BLOC1S5: variants seen among roughly 807,000 people sequenced by gnomAD.
BLOC1S5 encodes biogenesis of lysosomal organelles complex 1 subunit 5.
Under a neutral mutation model 24.3 loss-of-function variants are expected in BLOC1S5, and 27 were observed. That is an observed-to-expected ratio of 1.11 (90% CI 0.82 to 1.53). The LOEUF is 1.53. Ranked by LOEUF, BLOC1S5 falls within the 40% of genes most tolerant of loss-of-function variation. The probability of loss-of-function intolerance (pLI) is 0.00; values close to 1 mark genes in which losing one functional copy is unlikely to be tolerated. For missense variants in BLOC1S5, 239 were observed against 229.4 expected (o/e 1.04, Z -0.27); for synonymous variants, 84 against 74.5 (o/e 1.13, Z -0.66).
intron 4 of BLOC1S5, among the ~76,000 whole-genome samples, chr6:8,016,325 C>CA (rs546943980): frequency 0.098 from 13,714 of 140,514 alleles, 1,891 homozygotes; most frequent in African/African-American, 0.31. Flanking sequence ...GACTCCGTCT[C>CA]AAAAAAAAAA....
chr6:8,059,286 A>C (rs77230581), intron 2 of BLOC1S5, among the ~76,000 whole-genome samples: 4,809 of 152,346 alleles, frequency 0.032, 238 homozygotes, highest in African/African-American at 0.1. Context: ...GAAAACAAAA[A>C]GAGAGCTTAA....
intron 4 of BLOC1S5, among the ~76,000 whole-genome samples, chr6:8,022,680 G>A (rs1456799597): frequency 2.2e-5 from 3 of 134,374 alleles, no homozygotes; most frequent in African/African-American, 3.1e-5. Flanking sequence ...CGCCTCCCGG[G>A]TTCACGCCAT....
intron 3 of BLOC1S5, among the ~76,000 whole-genome samples, chr6:8,036,983 G>C (rs1463558317): frequency 6.6e-6 from 1 of 152,068 alleles, no homozygotes; most frequent in Non-Finnish European, 1.5e-5. Context: ...GGTATAAAAA[G>C]AACATAGCTC....
intron 1 of BLOC1S5, among the ~76,000 whole-genome samples, chr6:8,063,700 G>A (rs551119844): frequency 6.6e-6 from 1 of 152,312 alleles, no homozygotes; most frequent in Admixed American, 6.5e-5. Context: ...AGCTTTAGGA[G>A]TCAAACCTAA....
chr6:8,047,778 T>C (rs550048837), intron 2 of BLOC1S5, among the ~76,000 whole-genome samples: 30 of 152,230 alleles, frequency 2.0e-4, no homozygotes, highest in African/African-American at 7.2e-4. Flanking sequence ...AAATTCAGGG[T>C]TCTGTTTTTT....
Position 8,013,888 on chromosome 6 carries a change from CAGCAAATGATTGAT to C in BLOC1S5, c.*1747_*1760del. On this transcript the variant is annotated 3_prime_UTR_variant, in exon 5 of 5. Coordinates refer to ENST00000397457, the MANE Select transcript of BLOC1S5 (RefSeq NM_201280.3). ...CAAGTGCGCTTTTTAGTCCAGGTAC[CAGCAAATGATTGAT>C]GAGCCTGTCAAGCCTACAGTAGCGG... 1 of 152,068 alleles carries C rather than the reference CAGCAAATGATTGAT, an allele frequency of 6.6e-6. No individual in the cohort carries two copies. Among genetic ancestry groups the C allele is most frequent in the Non-Finnish European group, 1.5e-5 (1 of 68,012 alleles). 9.4% of individuals were successfully genotyped at this position (152,068 alleles called of 1,614,324 possible). A position where few individuals can be genotyped will look rare whatever the true frequency, so the allele number is the denominator to read the frequency against.
At chr6:8,055,309 C>T (rs1202657099) in intron 2 of BLOC1S5, among the ~76,000 whole-genome samples, 1 of 152,114 alleles carries the variant, frequency 6.6e-6, no homozygotes, top group Non-Finnish European at 1.5e-5. Context: ...GTGGCGTGTG[C>T]CTGCAATTCC....
chr6:8,038,100 CTT>C (rs1180589154), intron 3 of BLOC1S5, among the ~76,000 whole-genome samples: 1 of 152,128 alleles, frequency 6.6e-6, no homozygotes, highest in Non-Finnish European at 1.5e-5. Context: ...TGGGCAAAGA[CTT>C]TTTTCTGTAA....
intron 3 of BLOC1S5, among the ~76,000 whole-genome samples, chr6:8,036,478 A>C (rs1227559346): frequency 6.6e-6 from 1 of 152,154 alleles, no homozygotes; most frequent in East Asian, 1.9e-4. Context: ...ACCATGAGGG[A>C]ACAGAAAGCC....
At chr6:8,026,969 C>T (rs548506560) in intron 3 of BLOC1S5, among the ~76,000 whole-genome samples, 1 of 152,302 alleles carries the variant, frequency 6.6e-6, no homozygotes, top group East Asian at 1.9e-4. Flanking sequence ...TTCCATTTTA[C>T]AGATGACAAA....
chr6:8,059,660 T>C (rs973149473), intron 2 of BLOC1S5, among the ~76,000 whole-genome samples: 1 of 152,204 alleles, frequency 6.6e-6, no homozygotes, highest in Admixed American at 6.5e-5. Context: ...TGTTGAGCTT[T>C]TTCCTTCTAA....
At chr6:8,051,296 A>G (rs763439838) in intron 2 of BLOC1S5, among the ~76,000 whole-genome samples, 6 of 152,220 alleles carry the variant, frequency 3.9e-5, no homozygotes, top group Non-Finnish European at 8.8e-5. Flanking sequence ...GAAACCAGCC[A>G]CAACATTTTC....
chr6:8,015,877 TTC>T lies in BLOC1S5; in HGVS notation c.385-51_385-50del, dbSNP rs1230260880. 4.0e-6 allele frequency: 6 copies of T among 1,509,188 alleles called. No homozygotes were observed. In the Admixed American group the frequency reaches 1.2e-4, roughly 30 times the overall value. 93.5% of individuals were successfully genotyped at this position (1,509,188 alleles called of 1,614,324 possible). A position where few individuals can be genotyped will look rare whatever the true frequency, so the allele number is the denominator to read the frequency against. On this transcript the variant is annotated intron_variant, in intron 4 of 4. Transcript: ENST00000397457. The stretch of plus-strand genomic sequence containing the variant: ...CACACGACATTTTCCAGACAATTAT[TTC>T]ATAACGTTATCTCTTGATACTTGGT...
chr6:8,033,513 A>G (rs1763375387), intron 3 of BLOC1S5, among the ~76,000 whole-genome samples: 1 of 152,188 alleles, frequency 6.6e-6, no homozygotes, highest in African/African-American at 2.4e-5. Flanking sequence ...TAGACCTAAA[A>G]CCATAAAAAC....
chr6:8,063,423 T>G, intron 1 of BLOC1S5, among the ~76,000 whole-genome samples: 1 of 152,212 alleles, frequency 6.6e-6, no homozygotes, highest in East Asian at 1.9e-4. Flanking sequence ...AAAATGTAAG[T>G]CTCAAAATTC....
chr6:8,051,092 G>A (rs1764091197), intron 2 of BLOC1S5, among the ~76,000 whole-genome samples: 1 of 151,800 alleles, frequency 6.6e-6, no homozygotes, highest in Non-Finnish European at 1.5e-5. Flanking sequence ...GGAGGCTGAG[G>A]CAGGAGAATT....
At chr6:8,040,682 C>A (rs1030505136) in intron 3 of BLOC1S5, among the ~76,000 whole-genome samples, 1 of 151,894 alleles carries the variant, frequency 6.6e-6, no homozygotes, top group African/African-American at 2.4e-5. Context: ...ATGGTGAAAC[C>A]CCATCTCTAC....
At chr6:8,015,885 G>A (rs754743144) in intron 4 of BLOC1S5, 57 bp from the exon 5 acceptor site, 10 of 1,460,348 alleles carry the variant, frequency 6.8e-6, no homozygotes, top group South Asian at 2.6e-5. Flanking sequence ...ATTTCATAAC[G>A]TTATCTCTTG....
intron 2 of BLOC1S5, among the ~76,000 whole-genome samples, chr6:8,042,303 TC>T (rs1763720617): frequency 1.3e-5 from 2 of 152,234 alleles, no homozygotes; most frequent in Non-Finnish European, 2.9e-5. Flanking sequence ...TGATTCCCTT[TC>T]TTTTCTCAAA....
Sources: allele counts gnomAD v4.1 joint callset (sites outside exome capture counted in the v4.1 genomes callset), GRCh38; gene constraint gnomAD v4.1.1; transcripts MANE v1.5; gene names NCBI Gene and HGNC (gene_info 2026-07-23, HGNC 2026-07-21).